Variants in PATJ observed in about 807,000 individuals in gnomAD.
PATJ encodes the protein inaD-like protein.
PATJ carries 190 observed loss-of-function variants against 224.9 expected under a neutral mutation model. The ratio of observed to expected loss-of-function variants is 0.84; its 90% CI spans 0.75 to 0.95. PATJ has a LOEUF of 0.95. Among genes scored for constraint, PATJ ranks in the 40% least tolerant of loss-of-function variants. PATJ has a pLI of 0.00. For missense variants in PATJ, 2,121 were observed against 2,270.3 expected, an observed-to-expected ratio of 0.93 and a Z score of 1.34; for synonymous variants, 769 against 820.3, an observed-to-expected ratio of 0.94 and a Z score of 1.07.
intron 37 of PATJ, chr1:62,117,529 T>C (rs575480071): frequency 3.6e-6 from 2 of 560,782 alleles, no homozygotes; most frequent in East Asian, 1.6e-4. Context: ...AGGCAACATC[T>C]GGTGGCAATT....
At chr1:62,017,997 T>A in intron 29 of PATJ, 50 bp downstream of exon 29, 2 of 956,664 alleles carry the variant, frequency 2.1e-6, no homozygotes, top group Non-Finnish European at 3.4e-6. Flanking sequence ...CTTCTGAAGA[T>A]GTTATTAGTG....
chr1:62,091,822 G>A (rs1349381108), intron 33 of PATJ, among the ~76,000 whole-genome samples: 5 of 152,106 alleles, frequency 3.3e-5, no homozygotes, highest in East Asian at 1.9e-4. Context: ...TTGGGAGGCC[G>A]AGGTGGGCGG....
At chr1:61,890,508 CTTCTTT>C (rs1669463487) in intron 22 of PATJ, among the ~76,000 whole-genome samples, 1 of 151,624 alleles carries the variant, frequency 6.6e-6, no homozygotes, top group African/African-American at 2.4e-5. Context: ...TTTCCTTCTT[CTTCTTT>C]GAGACAAGTT....
intron 31 of PATJ, among the ~76,000 whole-genome samples, chr1:62,068,376 T>C (rs1457422922): frequency 6.6e-6 from 1 of 152,230 alleles, no homozygotes; most frequent in East Asian, 1.9e-4. Context: ...GGTTGACACT[T>C]AGCCTCAGAG....
chr1:61,925,878 A>G (rs1279362065), intron 26 of PATJ, among the ~76,000 whole-genome samples: 1 of 152,186 alleles, frequency 6.6e-6, no homozygotes, highest in Non-Finnish European at 1.5e-5. Flanking sequence ...TTTAGATACA[A>G]AACTGGTTAA....
At chr1:62,146,834 A>C (rs1668087802) in intron 41 of PATJ, among the ~76,000 whole-genome samples, 1 of 152,176 alleles carries the variant, frequency 6.6e-6, no homozygotes, top group African/African-American at 2.4e-5. Flanking sequence ...GAATTTCATG[A>C]GGATGGAATG....
intron 28 of PATJ, among the ~76,000 whole-genome samples, chr1:62,014,116 T>A (rs1646624726): frequency 6.6e-6 from 1 of 152,130 alleles, no homozygotes; most frequent in Non-Finnish European, 1.5e-5. Flanking sequence ...AGTACAGTAG[T>A]ACAGTCATAG....
intron 27 of PATJ, among the ~76,000 whole-genome samples, chr1:61,941,371 C>T (rs1294788278): frequency 6.6e-6 from 1 of 152,148 alleles, no homozygotes; most frequent in Non-Finnish European, 1.5e-5. Flanking sequence ...TAATTTTCAG[C>T]CGGGCACGAT....
At position 61,861,605 on chromosome 1, in the gene PATJ, A is replaced by G; in HGVS notation, c.2377A>G (p.Lys793Glu). Residue 793 changes from lysine to glutamate, a missense_variant, in exon 19 of 44, where the codon AAG (lysine) becomes GAG (glutamate). By Grantham distance (56) the Lys-to-Glu change is moderately conservative. Coordinates refer to ENST00000642238, the MANE Select transcript of PATJ (RefSeq NM_001350145.3). ...TTTACATTCAAGCAGTAATGAAGAC[A>G]AGACTGAATTTTCAGGAACAATTCA... Reference protein sequence around the residue: ...YILHSSSNEDKTEFSGTIHDI... With the variant: ...YILHSSSNEDETEFSGTIHDI... 1.3e-6 allele frequency: 2 copies of G among 1,502,432 alleles called. No homozygotes were observed. The highest frequency in any genetic ancestry group is 1.8e-6 in the Non-Finnish European group (2 of 1,117,288). 93.1% of individuals were successfully genotyped at this position (1,502,432 alleles called of 1,614,324 possible). A position where few individuals can be genotyped will look rare whatever the true frequency, so the allele number is the denominator to read the frequency against.
intron 28 of PATJ, among the ~76,000 whole-genome samples, chr1:62,003,241 CAGG>C (rs1645896007): frequency 6.6e-6 from 1 of 152,214 alleles, no homozygotes; most frequent in South Asian, 2.1e-4. Context: ...GCAACTTTCA[CAGG>C]AGTATTCAAA....
intron 27 of PATJ, among the ~76,000 whole-genome samples, chr1:61,933,583 A>G (rs1337448155): frequency 6.6e-6 from 1 of 151,598 alleles, no homozygotes; most frequent in East Asian, 1.9e-4. Context: ...GATCACTGAG[A>G]GCATAAAGAG....
intron 18 of PATJ, among the ~76,000 whole-genome samples, chr1:61,859,917 G>A (rs907180183): frequency 1.3e-5 from 2 of 152,080 alleles, no homozygotes; most frequent in South Asian, 2.1e-4. Context: ...ACTGCGCCTG[G>A]CCTAATTAAG....
intron 17 of PATJ, among the ~76,000 whole-genome samples, chr1:61,834,897 T>G (rs912032623): frequency 1.8e-4 from 27 of 152,020 alleles, no homozygotes; most frequent in African/African-American, 6.5e-4. Context: ...CCTGGCTACA[T>G]TTTGTATTTT....
At chr1:61,784,217 C>T (rs139052827) in intron 7 of PATJ, among the ~76,000 whole-genome samples, 226 of 152,270 alleles carry the variant, frequency 1.5e-3, no homozygotes, top group African/African-American at 5.2e-3. Context: ...TTGATTAGCA[C>T]GCTACGTACT....
chr1:61,750,710 G>A (rs567756269), intron 1 of PATJ, among the ~76,000 whole-genome samples: 1 of 152,092 alleles, frequency 6.6e-6, no homozygotes, highest in East Asian at 1.9e-4. Flanking sequence ...CAAAGTGCTG[G>A]GATACAAGCA....
chr1:61,893,416 C>A (rs2149117600), intron 22 of PATJ, among the ~76,000 whole-genome samples: 1 of 151,236 alleles, frequency 6.6e-6, no homozygotes, highest in South Asian at 2.1e-4. Flanking sequence ...TTAGTTTTTA[C>A]TTTTTAAAAT....
chr1:62,032,283 G>A (rs2148482027), intron 29 of PATJ, among the ~76,000 whole-genome samples: 3 of 152,274 alleles, frequency 2.0e-5, no homozygotes, highest in Middle Eastern at 6.8e-3. Context: ...CCATCCTGAA[G>A]CAAACAATGG....
intron 31 of PATJ, among the ~76,000 whole-genome samples, chr1:62,062,839 G>T (rs575975149): frequency 6.6e-6 from 1 of 152,098 alleles, no homozygotes; most frequent in South Asian, 2.1e-4. Flanking sequence ...CTTTGCCTTT[G>T]CCTGCTGTTT....
chr1:62,083,640 G>A (rs1349194377), intron 32 of PATJ, among the ~76,000 whole-genome samples: 5 of 151,938 alleles, frequency 3.3e-5, no homozygotes, highest in Non-Finnish European at 7.4e-5. Flanking sequence ...TATGAACCCC[G>A]CAAGTAATTT....
Sources: allele counts gnomAD v4.1 joint callset (sites outside exome capture counted in the v4.1 genomes callset), GRCh38; gene constraint gnomAD v4.1.1; transcripts MANE v1.5; gene names NCBI Gene and HGNC (gene_info 2026-07-23, HGNC 2026-07-21).